The following SULT1C4 variants were observed in gnomAD, a reference collection of about 807,000 sequenced individuals.
SULT1C4 encodes the protein sulfotransferase family 1C member 4, also known as sulfotransferase 1C4.
SULT1C4 carries 32 observed loss-of-function variants against 34.8 expected under a neutral mutation model. That is an observed-to-expected ratio of 0.92 (90% CI 0.69 to 1.23). The LOEUF (loss-of-function observed/expected upper bound fraction) is 1.23. Among genes scored for constraint, SULT1C4 ranks in the 50% most tolerant of loss-of-function variants. The pLI, the probability that SULT1C4 is intolerant of heterozygous loss-of-function variation, is 0.00. For synonymous variants in SULT1C4, 111 were observed against 120.5 expected, an observed-to-expected ratio of 0.92 and a Z score of 0.51; for missense variants, 375 against 365.9, an observed-to-expected ratio of 1.02 and a Z score of -0.20.
rs554095641 is a variant in SULT1C4 at position 108,383,465 on chromosome 2, A to C, written c.570A>C (p.Lys190Asn). Residue 190 changes from lysine (K) to asparagine (N), a missense_variant, in exon 5 of 7, where the codon AAA becomes AAC. By Grantham distance (94) the Lys-to-Asn change is moderately conservative. Coordinates refer to ENST00000272452, the MANE Select transcript of SULT1C4 (RefSeq NM_006588.4). Reference protein sequence around the residue: ...HEHVKGWWEAKDKHRILYLFY... With the variant: ...HEHVKGWWEANDKHRILYLFY... Reference sequence around the variant, plus strand: ...ATGTGAAAGGATGGTGGGAAGCCAAAGACAAACACCGTATTCTCTATCTCT... The same window carrying C: ...ATGTGAAAGGATGGTGGGAAGCCAACGACAAACACCGTATTCTCTATCTCT... 1 of 1,614,204 alleles carries C rather than the reference A, an allele frequency of 6.2e-7. No homozygotes were observed. The highest frequency in any genetic ancestry group is 1.3e-5 in the African/African-American group (1 of 75,054).
In SULT1C4 at chr2:108,388,576, T is replaced by C. The variant is rs936558472; in HGVS notation, c.*1144T>C. Among the ~76,000 whole-genome samples the C allele has an allele frequency of 5.9e-5, 9 of 152,188 alleles. No homozygotes were observed. The highest frequency in any genetic ancestry group is 1.2e-4 in the Non-Finnish European group (8 of 68,042). Reference sequence around the variant, plus strand: ...GTTATTTTCCTTAAAAAGACTCTTATTATGTTGTTCCTTAGCTCAAAATCC... The same window carrying C: ...GTTATTTTCCTTAAAAAGACTCTTACTATGTTGTTCCTTAGCTCAAAATCC... On this transcript the variant is annotated 3_prime_UTR_variant, in exon 7 of 7. Transcript: ENST00000272452.
At chr2:108,382,106 A>G (rs1678418497) in intron 2 of SULT1C4, 4 of 569,186 alleles carry the variant, frequency 7.0e-6, no homozygotes, top group Non-Finnish European at 1.1e-5. Context: ...TCTAGTTAGA[A>G]ATTAATTTTA....
intron 2 of SULT1C4, 185 bp downstream of exon 2, chr2:108,382,072 C>G: frequency 1.5e-6 from 1 of 678,362 alleles, no homozygotes. Context: ...ACTGTTTGTA[C>G]AAAAGTGAGT....
At chr2:108,385,749 C>G (rs41392145) in intron 5 of SULT1C4, among the ~76,000 whole-genome samples, 3 of 151,900 alleles carry the variant, frequency 2.0e-5, no homozygotes, top group African/African-American at 7.3e-5. Flanking sequence ...AAAAAAAAAA[C>G]TTCTCTCCTC....
At chr2:108,381,070 C>T (rs1678375298) in intron 1 of SULT1C4, among the ~76,000 whole-genome samples, 1 of 152,152 alleles carries the variant, frequency 6.6e-6, no homozygotes, top group African/African-American at 2.4e-5. Flanking sequence ...CTACGCTATG[C>T]AACTGGGAAA....
At chr2:108,381,688 A>T in intron 1 of SULT1C4, 74 bp from the exon 2 acceptor site, 1 of 1,303,810 alleles carries the variant, frequency 7.7e-7, no homozygotes, top group Non-Finnish European at 9.9e-7. Context: ...AGATGTTCTA[A>T]CAAGTATTTG....
In SULT1C4 at chr2:108,387,384, C is replaced by T. The variant is rs1301558979; in HGVS notation, c.861C>T (p.Tyr287=). The T allele has an allele frequency of 4.3e-6, 7 of 1,613,480 alleles. No homozygotes were observed. The highest frequency in any genetic ancestry group is 5.1e-6 in the Non-Finnish European group (6 of 1,179,798). ...AGAATGAGAGATTTGATGAAGATTA[C>T]AAGAAGAAAATGACTGATACCAGAC... ...VAQNERFDED[Y]KKKMTDTRLT... is the part of the protein sequence containing the mutation. Residue 287 remains tyrosine, a synonymous_variant, in exon 7 of 7, where the codon TAC becomes TAT. Transcript: ENST00000272452.
chr2:108,387,496 T>A lies in SULT1C4; in HGVS notation c.*64T>A. 1 of 1,024,746 alleles carries A rather than the reference T, an allele frequency of 9.8e-7. No homozygotes were observed. The highest frequency in any genetic ancestry group is 1.5e-6 in the Non-Finnish European group (1 of 682,934). 63.5% of individuals were successfully genotyped at this position (1,024,746 alleles called of 1,614,324 possible). On this transcript the variant is annotated 3_prime_UTR_variant, in exon 7 of 7. Coordinates refer to ENST00000272452, the MANE Select transcript of SULT1C4 (RefSeq NM_006588.4). ...AGTATATTTGGGTAATAATGAAAGT[T>A]TAATTCTCATAACAAATGATATCAG...
At position 108,388,444 on chromosome 2, in the gene SULT1C4, C is replaced by T. The variant is rs904115234; in HGVS notation, c.*1012C>T. On this transcript the variant is annotated 3_prime_UTR_variant, in exon 7 of 7. Transcript: ENST00000272452. The stretch of plus-strand genomic sequence containing the variant: ...TTCCGTCTAACCATTCCTTGTTTTC[C>T]TTCTATTTCTATAGCCACCCTTCTG... Among the ~76,000 whole-genome samples the T allele has an allele frequency of 6.6e-5, 10 of 152,272 alleles. No individual in the cohort carries two copies. The highest frequency in any genetic ancestry group is 2.2e-4 in the African/African-American group (9 of 41,544).
At position 108,378,301 on chromosome 2, in the gene SULT1C4, C is replaced by T. The variant is rs779145513; in HGVS notation, c.-37C>T. On this transcript the variant is annotated 5_prime_UTR_variant, in exon 1 of 7. Coordinates refer to ENST00000272452, the MANE Select transcript of SULT1C4 (RefSeq NM_006588.4). Reference sequence around the variant, plus strand: ...GCAGCCATATGCTGACTGAAGATAACTTTGTGTCTGGAAGAGCCCTCTGAT... The same window carrying T: ...GCAGCCATATGCTGACTGAAGATAATTTTGTGTCTGGAAGAGCCCTCTGAT... 6.3e-7 allele frequency: 1 copy of T among 1,595,246 alleles called. No homozygotes were observed. Among genetic ancestry groups the T allele is most frequent in the East Asian group, 2.2e-5 (1 of 44,822 alleles).
rs1678431955 is a variant in SULT1C4, at chr2:108,382,423, C to T, written c.334C>T (p.Leu112=). Residue 112 remains leucine, a synonymous_variant, in exon 3 of 7, where the codon CTG becomes TTG. Coordinates refer to ENST00000272452, the MANE Select transcript of SULT1C4 (RefSeq NM_006588.4). ...QAHAMPSPRI[L]KTHLPFHLLP... Reference sequence around the variant, plus strand: ...TCATGCAATGCCCTCACCACGGATCCTGAAAACACATCTTCCCTTTCACTT... The same window carrying T: ...TCATGCAATGCCCTCACCACGGATCTTGAAAACACATCTTCCCTTTCACTT... The T allele has an allele frequency of 6.2e-7, 1 of 1,614,056 alleles. No individual in the cohort carries two copies.
intron 2 of SULT1C4, 47 bp from the exon 3 acceptor site, chr2:108,382,338 T>C (rs1402832062): frequency 1.5e-6 from 2 of 1,359,672 alleles, no homozygotes; most frequent in Non-Finnish European, 1.0e-6. Context: ...TGGAAGCAAA[T>C]AGATAAAAAA....
chr2:108,388,976 T>A lies in SULT1C4; in HGVS notation c.*1544T>A, dbSNP rs1678639945. Among the ~76,000 whole-genome samples, 1 of 152,388 alleles carries A rather than the reference T, an allele frequency of 6.6e-6. No individual in the cohort carries two copies. Among genetic ancestry groups the A allele is most frequent in the South Asian group, 2.1e-4 (1 of 4,834 alleles). On this transcript the variant is annotated 3_prime_UTR_variant, in exon 7 of 7. Transcript: ENST00000272452. Reference sequence around the variant, plus strand: ...TTCTGTGATGAAGATTAAAGTGTATTATGGCAACTCTCATGTTTCTGTATT... The same window carrying A: ...TTCTGTGATGAAGATTAAAGTGTATAATGGCAACTCTCATGTTTCTGTATT...
chr2:108,379,777 A>C (rs1434677843), intron 1 of SULT1C4, among the ~76,000 whole-genome samples: 44 of 152,212 alleles, frequency 2.9e-4, no homozygotes, highest in Admixed American at 2.6e-3. Context: ...TAAAAGAATA[A>C]TACTCTGAAT....
chr2:108,378,963 C>T (rs530775509), intron 1 of SULT1C4, among the ~76,000 whole-genome samples: 1 of 152,218 alleles, frequency 6.6e-6, no homozygotes, highest in East Asian at 1.9e-4. Context: ...GGTCTGAGAA[C>T]CATCCTTCTG....
rs1263116293 is a variant in SULT1C4, at chr2:108,388,450, T to C, written c.*1018T>C. ...CTAACCATTCCTTGTTTTCCTTCTA[T>C]TTCTATAGCCACCCTTCTGGTTCAC... On this transcript the variant is annotated 3_prime_UTR_variant, in exon 7 of 7. Coordinates refer to ENST00000272452, the MANE Select transcript of SULT1C4 (RefSeq NM_006588.4). Among the ~76,000 whole-genome samples the C allele has an allele frequency of 2.0e-5, 3 of 152,334 alleles. No individual in the cohort carries two copies. The highest frequency in any genetic ancestry group is 3.4e-3 in the Middle Eastern group (1 of 294).
Position 108,388,269 on chromosome 2 carries a change from G to T in SULT1C4, c.*837G>T, listed in dbSNP as rs17269349. ...ACATCTGTCCCCATCTCTCACTGGCGTATATATTTAACTGGACTCACTCTC... is the reference window on the plus strand; with the variant it reads ...ACATCTGTCCCCATCTCTCACTGGCTTATATATTTAACTGGACTCACTCTC... On this transcript the variant is annotated 3_prime_UTR_variant, in exon 7 of 7. Transcript: ENST00000272452. Among the ~76,000 whole-genome samples the T allele has an allele frequency of 0.02, 3,013 of 152,086 alleles. 116 individuals are homozygous for T. Among genetic ancestry groups the T allele is most frequent in the South Asian group, 0.16 (762 of 4,808 alleles).
Position 108,382,324 on chromosome 2 carries a change from G to T in SULT1C4, c.296-61G>T, listed in dbSNP as rs41428444. On this transcript the variant is annotated intron_variant, in intron 2 of 6. Transcript: ENST00000272452. ...GTAGTAGTAATAATGGAAGCAGCAA[G>T]ACTTGGAAGCAAATAGATAAAAAAA... 6.8e-6 allele frequency: 9 copies of T among 1,328,038 alleles called. No individual in the cohort carries two copies. In the Admixed American group the frequency reaches 1.6e-4, roughly 23 times the overall value. The allele number at this position is 1,328,038 out of a possible 1,614,324, so 82.3% of individuals were successfully genotyped here.
chr2:108,386,799 G>A (rs974604371), intron 6 of SULT1C4, among the ~76,000 whole-genome samples: 10 of 152,128 alleles, frequency 6.6e-5, no homozygotes, highest in Admixed American at 2.6e-4. Context: ...TCATGCCTGC[G>A]TGGAAATTAT....
Sources: gnomAD v4.1 joint callset for allele counts (sites outside exome capture counted in the v4.1 genomes callset) on GRCh38, gnomAD v4.1.1 for gene constraint, MANE v1.5 for transcripts, NCBI Gene and HGNC (gene_info 2026-07-23, HGNC 2026-07-21) for gene names.